Variants in SAMD4A observed in about 807,000 individuals in gnomAD.
The protein encoded by SAMD4A is sterile alpha motif domain containing 4A, also known as protein Smaug homolog 1.
SAMD4A carries 33 observed loss-of-function variants against 81.3 expected under a neutral mutation model. That is an observed-to-expected ratio of 0.41 (90% CI 0.31 to 0.54). The LOEUF (loss-of-function observed/expected upper bound fraction) is 0.54. Ranked by LOEUF, SAMD4A falls within the 20% of genes least tolerant of loss-of-function variation. The pLI, the probability that SAMD4A is intolerant of heterozygous loss-of-function variation, is 0.37. For synonymous variants in SAMD4A, 389 were observed against 382.1 expected (o/e 1.02, Z -0.21); for missense variants, 854 against 951.1 (o/e 0.90, Z 1.34).
intron 7 of SAMD4A, among the ~76,000 whole-genome samples, chr14:54,760,981 C>G (rs1298124047): frequency 8.1e-6 from 1 of 123,040 alleles, no homozygotes; most frequent in Non-Finnish European, 1.7e-5. Flanking sequence ...TGGCCTCTCT[C>G]CTCACCACTG....
At chr14:54,772,065 T>G (rs1189504734) in intron 9 of SAMD4A, among the ~76,000 whole-genome samples, 1 of 152,244 alleles carries the variant, frequency 6.6e-6, no homozygotes, top group African/African-American at 2.4e-5. Flanking sequence ...TTTATACTCA[T>G]AAGTATTTCC....
chr14:54,772,435 C>T (rs1202804311), intron 9 of SAMD4A, among the ~76,000 whole-genome samples: 1 of 152,182 alleles, frequency 6.6e-6, no homozygotes, highest in Non-Finnish European at 1.5e-5. Flanking sequence ...CTCGAAGGGT[C>T]CCATCAGGAG....
chr14:54,574,392 A>T (rs1273871532), intron 2 of SAMD4A, among the ~76,000 whole-genome samples: 1 of 152,192 alleles, frequency 6.6e-6, no homozygotes, highest in Non-Finnish European at 1.5e-5. Flanking sequence ...AGGGCTTATG[A>T]GATTCTTGCT....
chr14:54,669,355 G>A (rs1424473949), intron 2 of SAMD4A, among the ~76,000 whole-genome samples: 1 of 151,392 alleles, frequency 6.6e-6, no homozygotes, highest in East Asian at 1.9e-4. Context: ...TCACAGGGTT[G>A]AAATGTGTAC....
Position 54,749,628 on chromosome 14 carries a change from G to T in SAMD4A, c.1089+704G>T, listed in dbSNP as rs868342703. On this transcript the variant is annotated intron_variant, in intron 5 of 12. Coordinates refer to ENST00000554335, the MANE Select transcript of SAMD4A (RefSeq NM_015589.6). ...CCTTCCTTCTAAGGCATCTTTCCCC[G>T]ATGTGGATGCCAAAGGCCAGTCAAC... 3.9e-5 allele frequency among the ~76,000 whole-genome samples: 6 copies of T among 152,166 alleles called. 1 individual carries two copies. The Middle Eastern group carries it at 0.017, about 431-fold the overall frequency.
chr14:54,775,484 C>A (rs1368271278), intron 10 of SAMD4A, among the ~76,000 whole-genome samples: 2 of 152,284 alleles, frequency 1.3e-5, no homozygotes, highest in Middle Eastern at 3.4e-3. Context: ...AGTTTCTTGC[C>A]CTTTTTATCC....
chr14:54,755,061 G>A (rs1403336318), intron 6 of SAMD4A, among the ~76,000 whole-genome samples: 1 of 152,214 alleles, frequency 6.6e-6, no homozygotes, highest in Non-Finnish European at 1.5e-5. Context: ...GATGAGGTGG[G>A]AAGCCTTCAG....
intron 3 of SAMD4A, among the ~76,000 whole-genome samples, chr14:54,719,385 T>C (rs1359664865): frequency 6.6e-6 from 1 of 152,138 alleles, no homozygotes. Context: ...TTTCTTCAAG[T>C]CCTATCATTC....
intron 2 of SAMD4A, among the ~76,000 whole-genome samples, chr14:54,629,452 T>C (rs990738930): frequency 3.9e-5 from 6 of 152,242 alleles, no homozygotes; most frequent in Non-Finnish European, 8.8e-5. Context: ...AGCCCCAGTA[T>C]GGCATACAGA....
chr14:54,639,608 A>C (rs2035121601), intron 2 of SAMD4A, among the ~76,000 whole-genome samples: 1 of 152,110 alleles, frequency 6.6e-6, no homozygotes, highest in Non-Finnish European at 1.5e-5. Context: ...CTCCCTTCGG[A>C]ATCTGTCAGC....
chr14:54,761,400 A>G (rs1020924597), intron 7 of SAMD4A, among the ~76,000 whole-genome samples: 4 of 152,196 alleles, frequency 2.6e-5, no homozygotes, highest in Non-Finnish European at 5.9e-5. Flanking sequence ...GTGAGGTGAC[A>G]AAATCCAAAC....
chr14:54,691,340 G>T (rs1024720210), intron 2 of SAMD4A, among the ~76,000 whole-genome samples: 1 of 152,028 alleles, frequency 6.6e-6, no homozygotes, highest in African/African-American at 2.4e-5. Flanking sequence ...AAAGCCAAGG[G>T]CCCTCATCTG....
chr14:54,596,485 T>G (rs2033914311), intron 2 of SAMD4A, among the ~76,000 whole-genome samples: 1 of 152,232 alleles, frequency 6.6e-6, no homozygotes, highest in East Asian at 1.9e-4. Flanking sequence ...CTCGGGAAGC[T>G]GAGGCAGGGG....
intron 10 of SAMD4A, 70 bp downstream of exon 10, chr14:54,775,205 G>T: frequency 6.3e-7 from 1 of 1,584,414 alleles, no homozygotes; most frequent in South Asian, 1.1e-5. Flanking sequence ...GTCCCCCCAG[G>T]TGACCCCAGG....
chr14:54,767,007 C>A (rs768997321), intron 8 of SAMD4A, among the ~76,000 whole-genome samples: 1 of 152,188 alleles, frequency 6.6e-6, no homozygotes, highest in Admixed American at 6.5e-5. Context: ...AGGGGCCTCT[C>A]GTGGCTGGGG....
At chr14:54,602,380 C>T (rs921454889) in intron 2 of SAMD4A, among the ~76,000 whole-genome samples, 1 of 147,412 alleles carries the variant, frequency 6.8e-6, no homozygotes, top group African/African-American at 2.5e-5. Context: ...ACACACGAAA[C>T]ACCAGGATAG....
intron 2 of SAMD4A, among the ~76,000 whole-genome samples, chr14:54,700,695 T>G (rs1227640176): frequency 2.0e-5 from 3 of 152,194 alleles, no homozygotes; most frequent in African/African-American, 4.8e-5. Flanking sequence ...AAATGAGCTT[T>G]CTTTCCTCTG....
At chr14:54,581,561 T>A (rs1033973191) in intron 2 of SAMD4A, among the ~76,000 whole-genome samples, 1 of 152,222 alleles carries the variant, frequency 6.6e-6, no homozygotes, top group Non-Finnish European at 1.5e-5. Context: ...AAATGTACTC[T>A]CTTCAAGTAT....
intron 2 of SAMD4A, among the ~76,000 whole-genome samples, chr14:54,661,475 G>A (rs1224571490): frequency 6.6e-6 from 1 of 152,208 alleles, no homozygotes; most frequent in Non-Finnish European, 1.5e-5. Context: ...AGCCCCTAAA[G>A]TAGACCCTTG....
Sources: allele counts gnomAD v4.1 joint callset (sites outside exome capture counted in the v4.1 genomes callset), GRCh38; gene constraint gnomAD v4.1.1; transcripts MANE v1.5; gene names NCBI Gene and HGNC (gene_info 2026-07-23, HGNC 2026-07-21).